BCAR3: variants seen among roughly 807,000 people sequenced by gnomAD.
BCAR3 encodes BCAR3 adaptor protein, NSP family member.
A neutral mutation model predicts 80.1 loss-of-function variants in BCAR3; 37 were observed. The ratio of observed to expected loss-of-function variants is 0.46; its 90% CI spans 0.36 to 0.61. The LOEUF is 0.61. Among genes scored for constraint, BCAR3 ranks in the 20% least tolerant of loss-of-function variants. The probability of loss-of-function intolerance (pLI) is 0.00; values close to 1 mark genes in which losing one functional copy is unlikely to be tolerated. For missense variants in BCAR3, 978 were observed against 1,068.2 expected, an observed-to-expected ratio of 0.92 and a Z score of 1.18; for synonymous variants, 389 against 418.9, an observed-to-expected ratio of 0.93 and a Z score of 0.87.
At chr1:93,845,592 G>A (rs1655148099) in exon 2 of BCAR3, 1 of 150,462 alleles carries the variant, frequency 6.6e-6, no homozygotes, top group Non-Finnish European at 1.5e-5. Context: ...TTCACAATTC[G>A]CATCCTTGCA....
intron 2 of BCAR3, among the ~76,000 whole-genome samples, chr1:93,650,909 C>T (rs1034843419): frequency 3.9e-5 from 6 of 152,038 alleles, no homozygotes; most frequent in African/African-American, 9.7e-5. Context: ...ATCATAGATG[C>T]CAGTGGGATG....
rs186663716 is a variant in BCAR3, at chr1:93,732,634, C to A, written c.-62-26492G>T. On this transcript the variant is annotated intron_variant, in intron 2 of 13. Transcript: ENST00000370244. ...CTTGTCTCAAAAAAAGAAAAAAAAACGAAAAGAAAAAGAAAAGAAAAGGAA... is the reference window on the plus strand; with the variant it reads ...CTTGTCTCAAAAAAAGAAAAAAAAAAGAAAAGAAAAAGAAAAGAAAAGGAA... 1.2e-4 allele frequency among the ~76,000 whole-genome samples: 18 copies of A among 151,486 alleles called. No individual in the cohort carries two copies. In the East Asian group the frequency reaches 1.5e-3, roughly 13 times the overall value.
At chr1:93,654,252 G>A (rs551201404) in intron 2 of BCAR3, among the ~76,000 whole-genome samples, 1 of 152,158 alleles carries the variant, frequency 6.6e-6, no homozygotes, top group Non-Finnish European at 1.5e-5. Flanking sequence ...TTGATGTTAC[G>A]AGACAGTGAT....
chr1:93,607,053 T>C (rs1463652139), intron 3 of BCAR3, among the ~76,000 whole-genome samples: 2 of 152,124 alleles, frequency 1.3e-5, no homozygotes, highest in Non-Finnish European at 1.5e-5. Flanking sequence ...AGTTTATGCA[T>C]GTATGATATA....
intron 3 of BCAR3, among the ~76,000 whole-genome samples, chr1:93,641,979 G>T (rs1675994351): frequency 6.6e-6 from 1 of 152,196 alleles, no homozygotes; most frequent in Admixed American, 6.5e-5. Context: ...AATAATGAGT[G>T]TGATTATGGA....
chr1:93,590,092 C>T (rs1172075491), intron 4 of BCAR3, among the ~76,000 whole-genome samples: 3 of 152,154 alleles, frequency 2.0e-5, no homozygotes, highest in Non-Finnish European at 4.4e-5. Flanking sequence ...ATTCTGGACA[C>T]ACCAATTACT....
intron 2 of BCAR3, among the ~76,000 whole-genome samples, chr1:93,762,067 A>C (rs1378274449): frequency 6.6e-6 from 1 of 152,190 alleles, no homozygotes; most frequent in East Asian, 1.9e-4. Flanking sequence ...GGTCCCACAG[A>C]AGCAGAATAT....
chr1:93,833,884 A>G (rs553594715), intron 2 of BCAR3, among the ~76,000 whole-genome samples: 21 of 152,236 alleles, frequency 1.4e-4, no homozygotes, highest in Non-Finnish European at 2.2e-4. Context: ...GATTAAAAGA[A>G]AGACAGGCAT....
At chr1:93,630,387 G>A (rs1212055327) in intron 3 of BCAR3, among the ~76,000 whole-genome samples, 6 of 151,928 alleles carry the variant, frequency 3.9e-5, no homozygotes, top group Non-Finnish European at 8.8e-5. Flanking sequence ...ACTTTGGGAG[G>A]CCAAGGCAGG....
chr1:93,801,892 G>A (rs963483557), intron 2 of BCAR3, among the ~76,000 whole-genome samples: 6 of 152,140 alleles, frequency 3.9e-5, no homozygotes, highest in South Asian at 2.1e-4. Context: ...GGCCAAGATG[G>A]GTAGATCATG....
At chr1:93,780,652 C>T (rs1053588729) in intron 2 of BCAR3, among the ~76,000 whole-genome samples, 2 of 151,338 alleles carry the variant, frequency 1.3e-5, no homozygotes, top group Admixed American at 6.6e-5. Flanking sequence ...TTTGGGGGTG[C>T]GTTTGACATG....
chr1:93,759,041 T>C (rs1651843587), intron 2 of BCAR3, among the ~76,000 whole-genome samples: 1 of 152,102 alleles, frequency 6.6e-6, no homozygotes, highest in South Asian at 2.1e-4. Flanking sequence ...TGTGCAAAAT[T>C]AGGTATAACC....
intron 3 of BCAR3, among the ~76,000 whole-genome samples, chr1:93,618,962 C>T (rs1348371815): frequency 6.9e-6 from 1 of 143,902 alleles, no homozygotes; most frequent in East Asian, 2.0e-4. Context: ...TAATCTGAGA[C>T]GGAATCTCGC....
chr1:93,633,417 T>C (rs1055636129), intron 3 of BCAR3, among the ~76,000 whole-genome samples: 3 of 152,176 alleles, frequency 2.0e-5, no homozygotes, highest in Non-Finnish European at 2.9e-5. Context: ...CTGGTAACAC[T>C]TTCTTCCCAC....
intron 2 of BCAR3, among the ~76,000 whole-genome samples, chr1:93,813,466 TCTCA>T (rs1653918879): frequency 6.6e-6 from 1 of 152,162 alleles, no homozygotes; most frequent in Non-Finnish European, 1.5e-5. Flanking sequence ...TCTCTCTCTC[TCTCA>T]TTCACTTTTA....
intron 3 of BCAR3, chr1:93,599,476 T>C (rs1311470376): frequency 1.3e-5 from 2 of 152,200 alleles, no homozygotes; most frequent in Non-Finnish European, 2.9e-5. Flanking sequence ...AGCCCAACAT[T>C]GGTGGCTGAG....
At chr1:93,591,456 T>C (rs749337968) in intron 4 of BCAR3, among the ~76,000 whole-genome samples, 20 of 152,120 alleles carry the variant, frequency 1.3e-4, no homozygotes, top group East Asian at 3.9e-4. Context: ...GCCTGGGTGA[T>C]AGAGTAAGAC....
At chr1:93,708,074 G>A (rs1243360407) in intron 2 of BCAR3, among the ~76,000 whole-genome samples, 1 of 152,222 alleles carries the variant, frequency 6.6e-6, no homozygotes, top group African/African-American at 2.4e-5. Context: ...TAGCCATTGA[G>A]TCAGAGGTTT....
chr1:93,584,089 C>A lies in BCAR3; in HGVS notation c.962G>T (p.Cys321Phe). The change falls in exon 6 of 12, where the codon TGC (cysteine) becomes TTC (phenylalanine). Residue 321 changes from cysteine (C) to phenylalanine (F), a missense_variant. Coordinates refer to ENST00000260502, the MANE Select transcript of BCAR3 (RefSeq NM_003567.4). ...TCTTCTGTCCTGCATGTGATCCAGG[C>A]AGGCGGGCTGGCTACCACTCTTTTC... The part of the protein sequence containing the change: ...NKEKSGSQPA[C>F]LDHMQDRRAL... 1 of 1,614,112 alleles carries A rather than the reference C, an allele frequency of 6.2e-7. No homozygotes were observed. The highest frequency in any genetic ancestry group is 8.5e-7 in the Non-Finnish European group (1 of 1,180,010).
Sources: gnomAD v4.1 joint callset for allele counts (sites outside exome capture counted in the v4.1 genomes callset) on GRCh38, gnomAD v4.1.1 for gene constraint, MANE v1.5 for transcripts, NCBI Gene and HGNC (gene_info 2026-07-23, HGNC 2026-07-21) for gene names.